The following ADH6 variants were observed in gnomAD, a reference collection of about 807,000 sequenced individuals.
ADH6 encodes the protein alcohol dehydrogenase 6.
Under a neutral mutation model 36.5 loss-of-function variants are expected in ADH6, and 34 were observed. The ratio of observed to expected loss-of-function variants is 0.93; its 90% CI spans 0.71 to 1.24. The LOEUF is 1.24. ADH6 is among the 50% of genes most tolerant of loss of function. The pLI is 0.00. For synonymous variants in ADH6, 161 were observed against 155.5 expected (o/e 1.04, Z -0.26); for missense variants, 440 against 447.0 (o/e 0.98, Z 0.14).
At chr4:99,215,621 A>G (rs1452372571) in intron 2 of ADH6, among the ~76,000 whole-genome samples, 1 of 152,224 alleles carries the variant, frequency 6.6e-6, no homozygotes, top group Non-Finnish European at 1.5e-5. Context: ...TGCTGGGATT[A>G]CAGGGATGAG....
chr4:99,207,784 G>C (rs554499858), intron 6 of ADH6, among the ~76,000 whole-genome samples: 1 of 151,886 alleles, frequency 6.6e-6, no homozygotes, highest in Non-Finnish European at 1.5e-5. Context: ...ATAGTACCTG[G>C]CACTTTAGGA....
chr4:99,219,216 T>A lies in ADH6; in HGVS notation c.-64A>T. ...GGAGATCCTGTAGCAACTTTCACTG[T>A]AGAAAGTACAAAGGTACACAGGCGA... On this transcript the variant is annotated 5_prime_UTR_variant, in exon 1 of 9. Coordinates refer to ENST00000394899, the MANE Select transcript of ADH6 (RefSeq NM_001102470.2). The A allele has an allele frequency of 6.8e-7, 1 of 1,476,786 alleles. No individual in the cohort carries two copies. 91.5% of individuals were successfully genotyped at this position (1,476,786 alleles called of 1,614,324 possible). A position where few individuals can be genotyped will look rare whatever the true frequency, so the allele number is the denominator to read the frequency against.
Position 99,207,555 on chromosome 4 carries a change from C to G in ADH6, c.855G>C (p.Glu285Asp), listed in dbSNP as rs202202888. The G allele has an allele frequency of 1.2e-5, 20 of 1,613,248 alleles. No homozygotes were observed. The highest frequency in any genetic ancestry group is 1.7e-5 in the Non-Finnish European group (20 of 1,179,626). ...CAACAACCACACAGACCCCATAGCT[C>G]TCATTGCAGGAGGCGAGGGCAGCTG... is the stretch of plus-strand genomic sequence containing the variant. ...VLAAALASCN[E>D]SYGVCVVVGV... Residue 285 changes from glutamate to aspartate, a missense_variant, in exon 7 of 9, where the codon GAG becomes GAC. Transcript: ENST00000394899.
chr4:99,210,508 A>T lies in ADH6; in HGVS notation c.263-6T>A. On this transcript the variant is annotated splice_polypyrimidine_tract_variant and splice_region_variant and intron_variant, in intron 3 of 8. Transcript: ENST00000394899. Reference sequence around the variant, plus strand: ...GAGTGTGATAACTTTGTCACCTAAAAGAGCAAAATCATGTCTTATTAACAT... The same window carrying T: ...GAGTGTGATAACTTTGTCACCTAAATGAGCAAAATCATGTCTTATTAACAT... 1 of 1,593,766 alleles carries T rather than the reference A, an allele frequency of 6.3e-7. No homozygotes were observed. The highest frequency in any genetic ancestry group is 8.6e-7 in the Non-Finnish European group (1 of 1,164,392).
chr4:99,209,870 A>G (rs1274872486), intron 5 of ADH6, among the ~76,000 whole-genome samples: 1 of 152,150 alleles, frequency 6.6e-6, no homozygotes, highest in Non-Finnish European at 1.5e-5. Context: ...TGGCATCCAG[A>G]CTTAATCTGT....
chr4:99,213,777 C>G (rs199513108), intron 2 of ADH6, 30 bp from the exon 3 acceptor site: 2 of 1,530,542 alleles, frequency 1.3e-6, no homozygotes, highest in Non-Finnish European at 1.8e-6. Context: ...TACTGCAGTT[C>G]CCGCTGTTTC....
intron 1 of ADH6, among the ~76,000 whole-genome samples, chr4:99,216,643 G>C (rs1731442042): frequency 6.6e-6 from 1 of 151,954 alleles, no homozygotes; most frequent in Non-Finnish European, 1.5e-5. Flanking sequence ...TCGGGAGTTT[G>C]AGACCAGCCT....
At chr4:99,217,976 T>C (rs1175584567) in intron 1 of ADH6, among the ~76,000 whole-genome samples, 1 of 152,192 alleles carries the variant, frequency 6.6e-6, no homozygotes, top group African/African-American at 2.4e-5. Flanking sequence ...AAGGTTCTGA[T>C]TTCAGGCCAC....
Position 99,208,817 on chromosome 4 carries a change from T to A in ADH6, c.679A>T (p.Lys227Ter). The A allele has an allele frequency of 1.9e-6, 3 of 1,613,858 alleles. No individual in the cohort carries two copies. The highest frequency in any genetic ancestry group is 2.5e-6 in the Non-Finnish European group (3 of 1,179,812). Residue 227 changes from lysine (K) to a stop codon, truncating the protein, a stop_gained, in exon 6 of 9, where the codon AAG (lysine) becomes TAG (stop). Transcript: ENST00000394899. LOFTEE classifies it high-confidence loss of function. ...TCCTGTGCCTTCTTAAATTTCTCCT[T>A]GTTGACATCCACTCCAATGATCCTG... ...AARIIGVDVN[K>*]EKFKKAQELG... is the part of the protein sequence containing the mutation.
At chr4:99,213,582 C>G in intron 3 of ADH6, 24 bp downstream of exon 3, 1 of 1,575,138 alleles carries the variant, frequency 6.3e-7, no homozygotes, top group Non-Finnish European at 8.6e-7. Context: ...TTGCTGTTTC[C>G]TATTACCAGG....
At chr4:99,205,929 C>CTA (rs1731017590) in intron 7 of ADH6, among the ~76,000 whole-genome samples, 1 of 152,136 alleles carries the variant, frequency 6.6e-6, no homozygotes, top group South Asian at 2.1e-4. Context: ...ACCACAAACT[C>CTA]TTCTAATAGA....
intron 5 of ADH6, 118 bp downstream of exon 5, chr4:99,209,964 G>GT: frequency 1.0e-6 from 1 of 1,000,474 alleles, no homozygotes; most frequent in Non-Finnish European, 1.5e-6. Context: ...ACTCAAGGAT[G>GT]TTTGGAGTCA....
chr4:99,208,515 A>G, intron 6 of ADH6, 153 bp downstream of exon 6: 1 of 776,624 alleles, frequency 1.3e-6, no homozygotes, highest in Non-Finnish European at 2.0e-6. Flanking sequence ...ACAAATTTGT[A>G]AGAGTACACA....
At chr4:99,208,247 T>G (rs188945882) in intron 6 of ADH6, among the ~76,000 whole-genome samples, 42 of 152,262 alleles carry the variant, frequency 2.8e-4, no homozygotes, top group African/African-American at 9.1e-4. Context: ...TCCCCTCACT[T>G]TCTATTCTTT....
rs1488617891 is a variant in ADH6, at chr4:99,212,581, T to C, written c.262+1025A>G. On this transcript the variant is annotated intron_variant, in intron 3 of 8. Coordinates refer to ENST00000394899, the MANE Select transcript of ADH6 (RefSeq NM_001102470.2). ...TGTTCAATAGATCTCAAAAAACTTA[T>C]TTTTCCTATCTAGCAGAAATTTTAT... Among the ~76,000 whole-genome samples the C allele has an allele frequency of 2.6e-5, 4 of 152,094 alleles. No individual in the cohort carries two copies. The East Asian group carries it at 5.8e-4, about 22-fold the overall frequency.
Position 99,213,723 on chromosome 4 carries a change from T to A in ADH6, c.145A>T (p.Thr49Ser). ...IKVVATGLCG[T>S]EMKVLGSKHL... Reference sequence around the variant, plus strand: ...TTACTCCCCAACACTTTCATCTCTGTACCACACAGTCCGGTGGCCACAACC... The same window carrying A: ...TTACTCCCCAACACTTTCATCTCTGAACCACACAGTCCGGTGGCCACAACC... Residue 49 changes from threonine (T) to serine (S), a missense_variant, in exon 3 of 9, where the codon ACA (threonine) becomes TCA (serine). Coordinates refer to ENST00000394899, the MANE Select transcript of ADH6 (RefSeq NM_001102470.2). 6.2e-7 allele frequency: 1 copy of A among 1,613,028 alleles called. No homozygotes were observed. Among genetic ancestry groups the A allele is most frequent in the Non-Finnish European group, 8.5e-7 (1 of 1,179,578 alleles).
At chr4:99,207,357 A>G in intron 7 of ADH6, 89 bp downstream of exon 7, 6 of 1,536,140 alleles carry the variant, frequency 3.9e-6, no homozygotes, top group Non-Finnish European at 5.3e-6. Context: ...CTGTTGTTTT[A>G]TGTCCTTTCT....
At chr4:99,209,341 C>T (rs1267030317) in intron 5 of ADH6, among the ~76,000 whole-genome samples, 7 of 151,830 alleles carry the variant, frequency 4.6e-5, no homozygotes, top group Non-Finnish European at 7.4e-5. Flanking sequence ...CATAACTTAT[C>T]GGGTCAATAC....
chr4:99,208,186 AT>A (rs1181871826), intron 6 of ADH6, among the ~76,000 whole-genome samples: 1 of 152,180 alleles, frequency 6.6e-6, no homozygotes, highest in Non-Finnish European at 1.5e-5. Flanking sequence ...CTAATAATAC[AT>A]TATTTCTTCA....
Sources: gnomAD v4.1 joint callset for allele counts (sites outside exome capture counted in the v4.1 genomes callset) on GRCh38, gnomAD v4.1.1 for gene constraint, MANE v1.5 for transcripts, NCBI Gene and HGNC (gene_info 2026-07-23, HGNC 2026-07-21) for gene names.